Variants in DNAAF9 observed in about 807,000 individuals in gnomAD.
DNAAF9 encodes the protein dynein axonemal assembly factor 9.
In DNAAF9, 90 loss-of-function variants were observed where a neutral mutation model predicts 167.0. The ratio of observed to expected loss-of-function variants is 0.54; its 90% CI spans 0.45 to 0.64. The LOEUF is 0.64. Ranked by LOEUF, DNAAF9 falls within the 30% of genes least tolerant of loss-of-function variation. DNAAF9 has a pLI of 0.00. For missense variants in DNAAF9, 1,315 were observed against 1,442.2 expected (o/e 0.91, Z 1.43); for synonymous variants, 491 against 508.8 (o/e 0.96, Z 0.47).
At chr20:3,316,633 AC>A in intron 18 of DNAAF9, 89 bp downstream of exon 18, 1 of 875,032 alleles carries the variant, frequency 1.1e-6, no homozygotes, top group Non-Finnish European at 1.9e-6. Context: ...CTGACATCCC[AC>A]CAGGGGCCCA....
At chr20:3,373,540 T>C (rs1394328898) in intron 6 of DNAAF9, among the ~76,000 whole-genome samples, 2 of 152,238 alleles carry the variant, frequency 1.3e-5, no homozygotes, top group Non-Finnish European at 2.9e-5. Context: ...AGCTAATCTT[T>C]CCATTCCTCT....
At chr20:3,317,668 C>T (rs1346904255) in intron 17 of DNAAF9, among the ~76,000 whole-genome samples, 3 of 151,596 alleles carry the variant, frequency 2.0e-5, no homozygotes, top group Non-Finnish European at 4.4e-5. Flanking sequence ...GCGACCTCAG[C>T]TCAATGCAAC....
At chr20:3,327,759 G>C (rs756333459) in intron 12 of DNAAF9, among the ~76,000 whole-genome samples, 1 of 152,172 alleles carries the variant, frequency 6.6e-6, no homozygotes, top group Non-Finnish European at 1.5e-5. Flanking sequence ...TCAGCCTGGT[G>C]CTTTTCCACT....
At chr20:3,320,487 A>C (rs1343621018) in intron 16 of DNAAF9, among the ~76,000 whole-genome samples, 1 of 152,224 alleles carries the variant, frequency 6.6e-6, no homozygotes, top group African/African-American at 2.4e-5. Flanking sequence ...GCTACTATGC[A>C]AAGCATCTTC....
intron 6 of DNAAF9, among the ~76,000 whole-genome samples, chr20:3,361,179 G>A (rs2083357488): frequency 6.6e-6 from 1 of 152,098 alleles, no homozygotes; most frequent in Admixed American, 6.6e-5. Context: ...TCTTGAGGAG[G>A]GAATAAAAAG....
intron 6 of DNAAF9, among the ~76,000 whole-genome samples, chr20:3,365,261 C>T (rs1338510765): frequency 1.3e-5 from 2 of 152,154 alleles, no homozygotes; most frequent in African/African-American, 2.4e-5. Context: ...AGGCACAATC[C>T]ACTATGCCAG....
In DNAAF9 at chr20:3,293,785, T is replaced by G. The variant is rs796186281; in HGVS notation, c.2238+354A>C. ...CATGGGTGCCCTTCCCTGTATTAAG[T>G]GCAATGTGTCAACCACTGCCAGGTA... is the stretch of plus-strand genomic sequence containing the variant. On this transcript the variant is annotated intron_variant, in intron 25 of 36. Transcript: ENST00000252032. 7.2e-5 allele frequency among the ~76,000 whole-genome samples: 11 copies of G among 151,984 alleles called. 1 individual carries two copies. The highest frequency in any genetic ancestry group is 2.7e-4 in the African/African-American group (11 of 41,458).
chr20:3,270,668 G>T, intron 29 of DNAAF9, 106 bp from the exon 30 acceptor site: 2 of 904,238 alleles, frequency 2.2e-6, no homozygotes, highest in Non-Finnish European at 3.5e-6. Context: ...CCTTCCAGTA[G>T]TCTCCTGATG....
chr20:3,269,118 A>G (rs1421299490), intron 30 of DNAAF9, among the ~76,000 whole-genome samples: 3 of 151,458 alleles, frequency 2.0e-5, no homozygotes, highest in Non-Finnish European at 4.4e-5. Flanking sequence ...CGTGTTAACA[A>G]GGATGGTCTC....
At chr20:3,291,085 G>A (rs1429424490) in intron 25 of DNAAF9, among the ~76,000 whole-genome samples, 2 of 152,112 alleles carry the variant, frequency 1.3e-5, no homozygotes, top group Non-Finnish European at 2.9e-5. Context: ...CACCGCACCT[G>A]GCCGACCAGG....
At chr20:3,258,743 G>A (rs188294651) in intron 33 of DNAAF9, among the ~76,000 whole-genome samples, 66 of 152,160 alleles carry the variant, frequency 4.3e-4, no homozygotes, top group Middle Eastern at 6.8e-3. Flanking sequence ...CTGCTTGAGC[G>A]CCTCACTTGT....
At chr20:3,356,812 G>A (rs530966104) in intron 7 of DNAAF9, among the ~76,000 whole-genome samples, 1 of 152,148 alleles carries the variant, frequency 6.6e-6, no homozygotes, top group East Asian at 1.9e-4. Context: ...GGTCAGACAT[G>A]TCATGTTATG....
chr20:3,319,262 C>CAAAAAAAAA lies in DNAAF9; in HGVS notation c.1357-871_1357-863dup, dbSNP rs57727958. ...TGGGCAACGGACCGAGACCCCGTCT[C>CAAAAAAAAA]AAAAAAAAAAAAAAAAAAAAAAAAA... On this transcript the variant is annotated intron_variant, in intron 16 of 36. Transcript: ENST00000252032. 7.9e-4 allele frequency among the ~76,000 whole-genome samples: 33 copies of CAAAAAAAAA among 41,564 alleles called. 3 individuals carry two copies. The highest frequency in any genetic ancestry group is 1.6e-3 in the East Asian group (3 of 1,924). 27.3% of individuals were successfully genotyped at this position (41,564 alleles called of 152,430 possible).
intron 1 of DNAAF9, among the ~76,000 whole-genome samples, chr20:3,403,842 A>C (rs1205069589): frequency 1.3e-5 from 2 of 152,182 alleles, no homozygotes; most frequent in East Asian, 1.9e-4. Flanking sequence ...TTTTAGAGAC[A>C]GGGGTCTTGC....
chr20:3,328,188 T>TTTTTTTTTGTTTGTTTTG (rs1568607091), intron 12 of DNAAF9, among the ~76,000 whole-genome samples: 18 of 138,838 alleles, frequency 1.3e-4, no homozygotes, highest in African/African-American at 2.3e-4. Context: ...GCTCTGTTTT[T>TTTTTTTTTGTTTGTTTTG]TTTTTTTTTT....
At chr20:3,312,656 C>T (rs943501692) in intron 20 of DNAAF9, among the ~76,000 whole-genome samples, 1 of 152,162 alleles carries the variant, frequency 6.6e-6, no homozygotes, top group African/African-American at 2.4e-5. Context: ...GACCCCTTAC[C>T]TGCCCAAGTC....
intron 29 of DNAAF9, among the ~76,000 whole-genome samples, chr20:3,271,497 T>TTCAGCC (rs1163251610): frequency 3.9e-5 from 6 of 152,160 alleles, no homozygotes; most frequent in Non-Finnish European, 8.8e-5. Context: ...CTTACCACAC[T>TTCAGCC]TCACCACCCC....
In DNAAF9 at chr20:3,287,797, A is replaced by G. The variant is rs772027631; in HGVS notation, c.2328-7T>C. 9.9e-6 allele frequency: 16 copies of G among 1,613,960 alleles called. No homozygotes were observed. Among genetic ancestry groups the G allele is most frequent in the South Asian group, 4.4e-5 (4 of 91,084 alleles). On this transcript the variant is annotated splice_region_variant and splice_polypyrimidine_tract_variant and intron_variant, in intron 26 of 36. Coordinates refer to ENST00000252032, the MANE Select transcript of DNAAF9 (RefSeq NM_001009984.3). ...TTGGCGATACACCATCCATCTGGAA[A>G]GGTAAAAGGTAACCTCTGCATGGGG...
intron 7 of DNAAF9, among the ~76,000 whole-genome samples, chr20:3,351,313 G>A (rs1048693186): frequency 3.9e-5 from 6 of 151,988 alleles, no homozygotes; most frequent in South Asian, 2.1e-4. Context: ...GAGAAACCCC[G>A]TCTCTACTAA....
Sources: allele counts gnomAD v4.1 joint callset (sites outside exome capture counted in the v4.1 genomes callset), GRCh38; gene constraint gnomAD v4.1.1; transcripts MANE v1.5; gene names NCBI Gene and HGNC (gene_info 2026-07-23, HGNC 2026-07-21).